Variants in ZNF284 observed in about 807,000 individuals in gnomAD.
ZNF284 encodes zinc finger protein 284.
ZNF284 carries 12 observed loss-of-function variants against 12.9 expected under a neutral mutation model. The ratio of observed to expected loss-of-function variants is 0.93; its 90% CI spans 0.60 to 1.51. The LOEUF (loss-of-function observed/expected upper bound fraction) is 1.51, where lower values mean the gene tolerates loss of function less well. Ranked by LOEUF, ZNF284 falls within the 40% of genes most tolerant of loss-of-function variation. The pLI is 0.00. For missense variants in ZNF284, 667 were observed against 707.3 expected, an observed-to-expected ratio of 0.94 and a Z score of 0.65; for synonymous variants, 225 against 236.5, an observed-to-expected ratio of 0.95 and a Z score of 0.45.
intron 4 of ZNF284, chr19:44,085,177 T>G (rs1474399100): frequency 1.3e-5 from 2 of 152,514 alleles, no homozygotes; most frequent in African/African-American, 4.8e-5. Flanking sequence ...ATTTGATGTA[T>G]GAGTATCTAT....
At chr19:44,078,640 TA>T (rs990274712) in intron 2 of ZNF284, among the ~76,000 whole-genome samples, 2 of 152,100 alleles carry the variant, frequency 1.3e-5, no homozygotes, top group Non-Finnish European at 2.9e-5. Context: ...TTTAAAAATT[TA>T]TAAAGTTGGT....
intron 3 of ZNF284, 148 bp downstream of exon 3, chr19:44,081,289 C>A: frequency 1.8e-6 from 2 of 1,117,264 alleles, no homozygotes; most frequent in African/African-American, 1.6e-5. Flanking sequence ...CATTGACTCA[C>A]AGTTCTGCAT....
intron 1 of ZNF284, among the ~76,000 whole-genome samples, chr19:44,076,043 T>C (rs754692568): frequency 6.6e-5 from 10 of 152,108 alleles, no homozygotes; most frequent in Non-Finnish European, 1.5e-4. Flanking sequence ...CCTTCTTTCA[T>C]TTAACATAAT....
intron 4 of ZNF284, among the ~76,000 whole-genome samples, chr19:44,084,877 TC>T (rs1332956170): frequency 6.6e-6 from 1 of 152,046 alleles, no homozygotes; most frequent in Non-Finnish European, 1.5e-5. Context: ...AGTGTGTGGG[TC>T]CCATCATGAG....
chr19:44,081,375 G>C (rs1967120623), intron 3 of ZNF284, among the ~76,000 whole-genome samples: 2 of 152,122 alleles, frequency 1.3e-5, no homozygotes, highest in Admixed American at 1.3e-4. Flanking sequence ...TCATATTGCA[G>C]CAGGAAGAAG....
chr19:44,086,973 C>G lies in ZNF284; in HGVS notation c.1495C>G (p.Arg499Gly). The G allele has an allele frequency of 6.2e-7, 1 of 1,614,144 alleles. No individual in the cohort carries two copies. Among genetic ancestry groups the G allele is most frequent in the Non-Finnish European group, 8.5e-7 (1 of 1,180,018 alleles). Residue 499 changes from arginine to glycine, a missense_variant, in exon 5 of 5, where the codon CGT (arginine) becomes GGT (glycine). Transcript: ENST00000421176. Reference protein sequence around the residue: ...GKRFTENSKLRFHQRIHTGEK... With the variant: ...GKRFTENSKLGFHQRIHTGEK... ...GAGGTTTACTGAGAATTCAAAACTT[C>G]GTTTCCATCAAAGAATTCACACTGG...
At chr19:44,076,905 C>T (rs1282113977) in intron 2 of ZNF284, among the ~76,000 whole-genome samples, 6 of 151,614 alleles carry the variant, frequency 4.0e-5, no homozygotes, top group African/African-American at 9.7e-5. Context: ...CTGCAACCTC[C>T]GCCTCCCGGG....
intron 1 of ZNF284, among the ~76,000 whole-genome samples, chr19:44,073,402 A>G (rs181577111): frequency 1.3e-5 from 2 of 152,278 alleles, no homozygotes; most frequent in Non-Finnish European, 2.9e-5. Context: ...CATTAGAACT[A>G]TTTCATTTAT....
rs1462211150 is a variant in ZNF284, at chr19:44,088,498, G to A, written c.*1238G>A. On this transcript the variant is annotated 3_prime_UTR_variant, in exon 5 of 5. Coordinates refer to ENST00000421176, the MANE Select transcript of ZNF284 (RefSeq NM_001037813.4). The stretch of plus-strand genomic sequence containing the variant: ...GTACTATAATAAATATAGGAGTGCA[G>A]ATAGGAGTTCAACACACTGATTTCC... 1.3e-5 allele frequency: 2 copies of A among 152,188 alleles called. No homozygotes were observed. Among genetic ancestry groups the A allele is most frequent in the Non-Finnish European group, 2.9e-5 (2 of 68,038 alleles). The allele number at this position is 152,188 out of a possible 1,614,324, so 9.4% of individuals were successfully genotyped here. A position where few individuals can be genotyped will look rare whatever the true frequency, so the allele number is the denominator to read the frequency against.
chr19:44,087,146 C>G lies in ZNF284; in HGVS notation c.1668C>G (p.Asp556Glu), dbSNP rs1568525075. Residue 556 changes from aspartate (D) to glutamate (E), a missense_variant, in exon 5 of 5, where the codon GAC becomes GAG. Transcript: ENST00000421176. ...KSSEHSSCLQ[D>E]QQSDHSGEKT... Reference sequence around the variant, plus strand: ...GTGAGCACAGTTCATGCCTTCAAGACCAACAAAGCGACCACAGTGGAGAAA... The same window carrying G: ...GTGAGCACAGTTCATGCCTTCAAGAGCAACAAAGCGACCACAGTGGAGAAA... The G allele has an allele frequency of 1.2e-6, 2 of 1,614,016 alleles. No homozygotes were observed. The highest frequency in any genetic ancestry group is 3.3e-5 in the Admixed American group (2 of 60,010).
chr19:44,081,216 T>C, intron 3 of ZNF284, 75 bp downstream of exon 3: 1 of 1,503,800 alleles, frequency 6.6e-7, no homozygotes, highest in South Asian at 1.3e-5. Context: ...TTTGTGTTAG[T>C]TTGTTCTTAT....
At chr19:44,073,155 A>G (rs982806316) in intron 1 of ZNF284, among the ~76,000 whole-genome samples, 3 of 152,238 alleles carry the variant, frequency 2.0e-5, no homozygotes, top group Non-Finnish European at 2.9e-5. Flanking sequence ...AGTGAGATAC[A>G]AAGGAGCAGG....
rs750888934 is a variant in ZNF284, at chr19:44,086,542, G to A, written c.1064G>A (p.Arg355Lys). 2 of 1,614,172 alleles carry A rather than the reference G, an allele frequency of 1.2e-6. No individual in the cohort carries two copies. The highest frequency in any genetic ancestry group is 1.7e-6 in the Non-Finnish European group (2 of 1,180,032). The change falls in exon 5 of 5, where the codon AGG (arginine) becomes AAG (lysine). Residue 355 changes from arginine (R) to lysine (K), a missense_variant. Transcript: ENST00000421176. ...GAATGTGGAAGGAGCTTCACTTGTAGGCAAGATCTTTGTAAGCATCAGATG... is the reference window on the plus strand; with the variant it reads ...GAATGTGGAAGGAGCTTCACTTGTAAGCAAGATCTTTGTAAGCATCAGATG... ...CEECGRSFTC[R>K]QDLCKHQMDH... is the part of the protein sequence containing the mutation.
At chr19:44,079,134 C>T (rs774875251) in intron 2 of ZNF284, among the ~76,000 whole-genome samples, 2 of 152,110 alleles carry the variant, frequency 1.3e-5, no homozygotes, top group African/African-American at 2.4e-5. Context: ...GGTCCACATA[C>T]ATGATTTTCT....
At chr19:44,082,730 A>G (rs201419127) in intron 4 of ZNF284, among the ~76,000 whole-genome samples, 1 of 151,990 alleles carries the variant, frequency 6.6e-6, no homozygotes, top group East Asian at 1.9e-4. Flanking sequence ...CCCTTCCTCC[A>G]TCTTCAAAAG....
Position 44,086,827 on chromosome 19 carries a change from C to T in ZNF284, c.1349C>T (p.Thr450Met), listed in dbSNP as rs201121562. The change falls in exon 5 of 5, where the codon ACG becomes ATG. Residue 450 changes from threonine (T) to methionine (M), a missense_variant. Coordinates refer to ENST00000421176, the MANE Select transcript of ZNF284 (RefSeq NM_001037813.4). ...FNLDLHQRVH[T>M]GERPYNCKEC... ...CTTGACTTGCACCAGAGGGTCCACA[C>T]GGGAGAGAGACCTTATAATTGTAAG... 5.3e-5 allele frequency: 85 copies of T among 1,614,036 alleles called. No homozygotes were observed. Among genetic ancestry groups the T allele is most frequent in the Admixed American group, 2.2e-4 (13 of 60,004 alleles).
At position 44,085,893 on chromosome 19, in the gene ZNF284, A is replaced by G. The variant is rs767411730; in HGVS notation, c.415A>G (p.Ile139Val). Residue 139 changes from isoleucine (I) to valine (V), a missense_variant, in exon 5 of 5, where the codon ATA becomes GTA. Coordinates refer to ENST00000421176, the MANE Select transcript of ZNF284 (RefSeq NM_001037813.4). ...CTCCCAGGTTGACGCAGGACTATCT[A>G]TAATTCACATAGGAGAGACACCTTC... ...VPSQVDAGLS[I>V]IHIGETPSEH... The G allele has an allele frequency of 1.2e-6, 2 of 1,614,224 alleles. No homozygotes were observed. Among genetic ancestry groups the G allele is most frequent in the Non-Finnish European group, 1.7e-6 (2 of 1,180,014 alleles).
Position 44,080,980 on chromosome 19 carries a change from C to T in ZNF284, c.16-35C>T, listed in dbSNP as rs760464523. The T allele has an allele frequency of 2.5e-6, 4 of 1,598,746 alleles. No individual in the cohort carries two copies. The South Asian group carries it at 4.4e-5, about 18-fold the overall frequency. On this transcript the variant is annotated intron_variant, in intron 2 of 4. Coordinates refer to ENST00000421176, the MANE Select transcript of ZNF284 (RefSeq NM_001037813.4). ...CACCCTTCTCCCAGGAATCACTGGT[C>T]ATGAGATTGAGATTGCATACGTTTG... is the stretch of plus-strand genomic sequence containing the variant.
chr19:44,079,494 G>T (rs1967083865), intron 2 of ZNF284, among the ~76,000 whole-genome samples: 1 of 152,088 alleles, frequency 6.6e-6, no homozygotes, highest in Non-Finnish European at 1.5e-5. Flanking sequence ...CGGATCACGA[G>T]GTGAGGAGAT....
Sources: gnomAD v4.1 joint callset for allele counts (sites outside exome capture counted in the v4.1 genomes callset) on GRCh38, gnomAD v4.1.1 for gene constraint, MANE v1.5 for transcripts, NCBI Gene and HGNC (gene_info 2026-07-23, HGNC 2026-07-21) for gene names.